SPAG17: variants seen among roughly 807,000 people sequenced by gnomAD.
SPAG17 encodes the protein sperm associated antigen 17.
A neutral mutation model predicts 273.6 loss-of-function variants in SPAG17; 169 were observed. The ratio of observed to expected loss-of-function variants is 0.62; its 90% CI spans 0.55 to 0.70. SPAG17 has a LOEUF of 0.70. Ranked by LOEUF, SPAG17 falls within the 30% of genes least tolerant of loss-of-function variation. The pLI is 0.00. For synonymous variants in SPAG17, 825 were observed against 873.2 expected (o/e 0.94, Z 0.97); for missense variants, 2,557 against 2,627.8 (o/e 0.97, Z 0.59).
At chr1:118,044,587 T>C (rs1266953682) in intron 20 of SPAG17, among the ~76,000 whole-genome samples, 1 of 152,120 alleles carries the variant, frequency 6.6e-6, no homozygotes, top group Non-Finnish European at 1.5e-5. Flanking sequence ...TGGAAAAATA[T>C]CTTCAGAGTT....
intron 43 of SPAG17, among the ~76,000 whole-genome samples, chr1:117,974,848 G>A (rs931227459): frequency 6.6e-6 from 1 of 152,164 alleles, no homozygotes; most frequent in Non-Finnish European, 1.5e-5. Flanking sequence ...GAGTGTCCAC[G>A]ATCTGCAGGT....
At position 117,973,441 on chromosome 1, in the gene SPAG17, G is replaced by A; in HGVS notation, c.6125C>T (p.Ser2042Phe). ...TTGTTTTACCTTTGCAAGAGGTTGA[G>A]ACTTAGGCTTGGAACTCAGCAAATA... ...PHYLLSSKPKSQPLAKVQDSV... is the reference protein window; with the variant it reads ...PHYLLSSKPKFQPLAKVQDSV... The change falls in exon 44 of 49, where the codon TCT (serine) becomes TTT (phenylalanine). Residue 2042 changes from serine (S) to phenylalanine (F), a missense_variant. Physicochemically the swap from Ser to Phe is radical, Grantham distance 155. Transcript: ENST00000336338. 6.2e-7 allele frequency: 1 copy of A among 1,613,390 alleles called. No individual in the cohort carries two copies. The highest frequency in any genetic ancestry group is 8.5e-7 in the Non-Finnish European group (1 of 1,179,514).
At chr1:118,087,951 T>C (rs538322954) in intron 10 of SPAG17, among the ~76,000 whole-genome samples, 4 of 152,274 alleles carry the variant, frequency 2.6e-5, no homozygotes, top group African/African-American at 7.2e-5. Flanking sequence ...CAAAAATATC[T>C]CCAGACATAG....
chr1:118,090,925 A>G (rs1479670079), intron 10 of SPAG17, among the ~76,000 whole-genome samples: 1 of 151,928 alleles, frequency 6.6e-6, no homozygotes, highest in Non-Finnish European at 1.5e-5. Flanking sequence ...TAAATAGATG[A>G]AGAAATTAAT....
At chr1:118,176,449 C>T (rs1055141442) in intron 1 of SPAG17, among the ~76,000 whole-genome samples, 4 of 152,120 alleles carry the variant, frequency 2.6e-5, no homozygotes, top group Admixed American at 2.6e-4. Flanking sequence ...CAAATCATGA[C>T]TGCACAAAGA....
intron 32 of SPAG17, among the ~76,000 whole-genome samples, chr1:117,998,298 T>A (rs1017484999): frequency 1.1e-4 from 16 of 152,296 alleles, no homozygotes; most frequent in African/African-American, 3.6e-4. Flanking sequence ...CCAGTACCAT[T>A]TATTGACTAG....
chr1:118,012,495 G>A, intron 29 of SPAG17, 123 bp from the exon 30 acceptor site: 1 of 1,070,844 alleles, frequency 9.3e-7, no homozygotes, highest in Non-Finnish European at 1.3e-6. Context: ...TATAGGCAAA[G>A]TTTTATCTCA....
chr1:118,119,284 G>A (rs140774436), intron 3 of SPAG17, among the ~76,000 whole-genome samples: 2 of 152,280 alleles, frequency 1.3e-5, no homozygotes, highest in African/African-American at 2.4e-5. Context: ...TGCTTAACCT[G>A]CTGCATATTC....
At chr1:118,080,541 G>A (rs912532773) in intron 15 of SPAG17, among the ~76,000 whole-genome samples, 1 of 152,218 alleles carries the variant, frequency 6.6e-6, no homozygotes, top group Admixed American at 6.5e-5. Flanking sequence ...TTTGAAAGCT[G>A]TAAGTAGAGA....
intron 1 of SPAG17, among the ~76,000 whole-genome samples, chr1:118,171,203 G>A (rs999527050): frequency 3.3e-5 from 5 of 152,132 alleles, no homozygotes; most frequent in Non-Finnish European, 7.4e-5. Flanking sequence ...TCAATGAGTT[G>A]TATAATAAGT....
chr1:118,083,490 G>GAAA (rs1419153639), intron 13 of SPAG17, among the ~76,000 whole-genome samples: 1 of 152,012 alleles, frequency 6.6e-6, no homozygotes, highest in Non-Finnish European at 1.5e-5. Flanking sequence ...CAGTGTGTGA[G>GAAA]AAAACAGAGA....
chr1:117,993,126 G>T (rs1476984078), intron 35 of SPAG17, among the ~76,000 whole-genome samples: 2 of 152,188 alleles, frequency 1.3e-5, no homozygotes, highest in Non-Finnish European at 2.9e-5. Flanking sequence ...TGCCTCCAGA[G>T]TCTGAGGATC....
intron 47 of SPAG17, 25 bp from the exon 48 acceptor site, chr1:117,963,963 CT>C (rs772122288): frequency 6.3e-7 from 1 of 1,592,812 alleles, no homozygotes; most frequent in South Asian, 1.1e-5. Flanking sequence ...AAGGGCTGTG[CT>C]TTTCATGACT....
intron 3 of SPAG17, among the ~76,000 whole-genome samples, chr1:118,149,416 T>C (rs1659250204): frequency 6.6e-6 from 1 of 152,166 alleles, no homozygotes. Flanking sequence ...GGCCTGAGAA[T>C]TGGATGTGGA....
intron 30 of SPAG17, among the ~76,000 whole-genome samples, chr1:118,010,275 CAACCGT>C (rs149677575): frequency 0.066 from 9,961 of 150,858 alleles, 519 homozygotes; most frequent in East Asian, 0.31. Flanking sequence ...AAGCTGGAGG[CAACCGT>C]AACCGTGCTA....
rs562709682 is a variant in SPAG17 at position 118,067,049 on chromosome 1, C to G, written c.2386-150G>C. On this transcript the variant is annotated intron_variant, in intron 17 of 48. Transcript: ENST00000336338. ...AAATTCCCAGAGGTTTCTTTCCTAG[C>G]TGCTAGAAGGTGAGAGCATAAATGG... The G allele has an allele frequency of 1.6e-5, 11 of 704,682 alleles. No individual in the cohort carries two copies. In the East Asian group the frequency reaches 3.3e-4, roughly 21 times the overall value. 43.7% of individuals were successfully genotyped at this position (704,682 alleles called of 1,614,324 possible).
chr1:118,146,086 T>A (rs1214449156), intron 3 of SPAG17, among the ~76,000 whole-genome samples: 3 of 152,160 alleles, frequency 2.0e-5, no homozygotes, highest in African/African-American at 7.2e-5. Flanking sequence ...GGTTCTGATT[T>A]CAGATAAATT....
At position 118,096,775 on chromosome 1, in the gene SPAG17, G is replaced by T. The variant is rs145044945; in HGVS notation, c.1011+895C>A. Among the ~76,000 whole-genome samples, 360 of 152,204 alleles carry T rather than the reference G, an allele frequency of 2.4e-3. 2 individuals are homozygous for T. The highest frequency in any genetic ancestry group is 7.6e-3 in the African/African-American group (316 of 41,532). On this transcript the variant is annotated intron_variant, in intron 7 of 48. Transcript: ENST00000336338. ...CACATAACTGAGCACCAGATATGTG[G>T]GTCCTTGACCACTGCTTCTCTGTTT...
At chr1:117,978,553 C>T (rs779529523) in intron 43 of SPAG17, among the ~76,000 whole-genome samples, 15 of 152,188 alleles carry the variant, frequency 9.9e-5, no homozygotes, top group Non-Finnish European at 1.9e-4. Flanking sequence ...AATATCTCTT[C>T]CTTGACTACA....
Sources: allele counts gnomAD v4.1 joint callset (sites outside exome capture counted in the v4.1 genomes callset), GRCh38; gene constraint gnomAD v4.1.1; transcripts MANE v1.5; gene names NCBI Gene and HGNC (gene_info 2026-07-23, HGNC 2026-07-21).